BMF: variants seen among roughly 807,000 people sequenced by gnomAD.
BMF encodes Bcl2 modifying factor, also known as bcl-2-modifying factor.
In BMF, 10 loss-of-function variants were observed where a neutral mutation model predicts 22.0. The observed-to-expected ratio is 0.45, with a 90% confidence interval of 0.28 to 0.77. The LOEUF (loss-of-function observed/expected upper bound fraction) is 0.77. Among genes scored for constraint, BMF ranks in the 30% least tolerant of loss-of-function variants. The pLI, the probability that BMF is intolerant of heterozygous loss-of-function variation, is 0.13. For synonymous variants in BMF, 87 were observed against 88.1 expected (o/e 0.99, Z 0.07); for missense variants, 206 against 226.8 (o/e 0.91, Z 0.59).
chr15:40,096,827 A>G (rs575805132), intron 4 of BMF, among the ~76,000 whole-genome samples: 16 of 152,352 alleles, frequency 1.1e-4, no homozygotes, highest in South Asian at 8.3e-4. Flanking sequence ...AGAAAAAAAT[A>G]ACCCTTTCAG....
intron 4 of BMF, among the ~76,000 whole-genome samples, chr15:40,095,597 C>T (rs569245692): frequency 1.3e-5 from 2 of 152,234 alleles, no homozygotes; most frequent in African/African-American, 4.8e-5. Context: ...GCTAGGGAAC[C>T]CCTCACAGAA....
chr15:40,107,734 G>A (rs532506038), intron 2 of BMF, among the ~76,000 whole-genome samples: 53 of 152,284 alleles, frequency 3.5e-4, no homozygotes, highest in African/African-American at 1.3e-3. Flanking sequence ...GACCTAAGAA[G>A]GGGCCCTCAA....
At chr15:40,098,561 T>C (rs1212207405) in intron 4 of BMF, among the ~76,000 whole-genome samples, 2 of 152,162 alleles carry the variant, frequency 1.3e-5, no homozygotes, top group Non-Finnish European at 2.9e-5. Flanking sequence ...TGACTGTTCA[T>C]GTCCTGTCCA....
intron 3 of BMF, 135 bp downstream of exon 3, chr15:40,105,660 G>A (rs1377508262): frequency 1.1e-4 from 125 of 1,105,966 alleles, no homozygotes; most frequent in Non-Finnish European, 5.2e-5. Context: ...AGAGGCAGCA[G>A]GTGGAAGTCA....
At chr15:40,095,943 G>A (rs1249909969) in intron 4 of BMF, among the ~76,000 whole-genome samples, 1 of 152,172 alleles carries the variant, frequency 6.6e-6, no homozygotes. Flanking sequence ...TGAATGCACA[G>A]CTGCTCATCC....
Position 40,091,888 on chromosome 15 carries a change from G to A in BMF, c.454C>T (p.His152Tyr), listed in dbSNP as rs760728364. Residue 152 changes from histidine (H) to tyrosine (Y), a missense_variant and splice_region_variant, in exon 5 of 5, where the codon CAC becomes TAC. His to Tyr is a moderately conservative substitution (Grantham distance 83). Coordinates refer to ENST00000354670, the MANE Select transcript of BMF (RefSeq NM_001003940.2). ...CACACACGATTTTGGTTCTGCTGGTGCTGAAGGGAGAAAAAAAAAAAAGAC... is the reference window on the plus strand; with the variant it reads ...CACACACGATTTTGGTTCTGCTGGTACTGAAGGGAGAAAAAAAAAAAAGAC... ...DQFHRLHVQQ[H>Y]QQNQNRVWWQ... 6.3e-7 allele frequency: 1 copy of A among 1,593,904 alleles called. No homozygotes were observed. The highest frequency in any genetic ancestry group is 2.3e-5 in the East Asian group (1 of 44,106).
At chr15:40,098,632 A>C (rs1247699855) in intron 4 of BMF, among the ~76,000 whole-genome samples, 1 of 152,162 alleles carries the variant, frequency 6.6e-6, no homozygotes, top group African/African-American at 2.4e-5. Flanking sequence ...TCACACACGG[A>C]CTGATTGTGT....
intron 4 of BMF, among the ~76,000 whole-genome samples, chr15:40,095,415 C>G (rs1042850627): frequency 2.0e-5 from 3 of 152,144 alleles, no homozygotes; most frequent in Non-Finnish European, 4.4e-5. Flanking sequence ...TACCAAAACA[C>G]CAGAGAACGT....
At chr15:40,097,416 GA>G (rs1567032886) in intron 4 of BMF, among the ~76,000 whole-genome samples, 1 of 152,244 alleles carries the variant, frequency 6.6e-6, no homozygotes, top group South Asian at 2.1e-4. Flanking sequence ...ATAATGGGGA[GA>G]AGAGCAAGAG....
At chr15:40,100,151 C>A (rs2036446703) in intron 4 of BMF, among the ~76,000 whole-genome samples, 1 of 152,172 alleles carries the variant, frequency 6.6e-6, no homozygotes, top group East Asian at 1.9e-4. Context: ...CCCAGAAATA[C>A]CCCCAAATGT....
At chr15:40,096,432 G>A (rs2036363295) in intron 4 of BMF, among the ~76,000 whole-genome samples, 1 of 152,188 alleles carries the variant, frequency 6.6e-6, no homozygotes, top group African/African-American at 2.4e-5. Context: ...GAAGCCGTGT[G>A]CAGCTCTAAA....
intron 4 of BMF, among the ~76,000 whole-genome samples, chr15:40,093,087 A>T (rs2036278055): frequency 6.6e-6 from 1 of 152,232 alleles, no homozygotes; most frequent in Non-Finnish European, 1.5e-5. Flanking sequence ...CCAGCGGCAC[A>T]GCTGGAAAGG....
At chr15:40,095,473 C>G (rs532178400) in intron 4 of BMF, among the ~76,000 whole-genome samples, 9 of 152,224 alleles carry the variant, frequency 5.9e-5, no homozygotes, top group Admixed American at 4.6e-4. Context: ...GAGAGGGGAA[C>G]CAGGAATGAG....
At chr15:40,093,344 G>A (rs1460149526) in intron 4 of BMF, among the ~76,000 whole-genome samples, 1 of 152,250 alleles carries the variant, frequency 6.6e-6, no homozygotes, top group Non-Finnish European at 1.5e-5. Flanking sequence ...AACCCGGCAA[G>A]CTGGAGGCGC....
Position 40,106,347 on chromosome 15 carries a change from C to T in BMF, c.-5-256G>A, listed in dbSNP as rs1195642480. ...CTGGAACCACCCTTTTTCTTGATCA[C>T]GTTTTCTGACCTAGGCCGGTCACAA... On this transcript the variant is annotated intron_variant, in intron 2 of 4. Coordinates refer to ENST00000354670, the MANE Select transcript of BMF (RefSeq NM_001003940.2). This position sits in a 1 kb window ranked among gnomAD's most constrained non-coding sequence, Gnocchi z 4.1. The T allele has an allele frequency of 2.8e-5, 11 of 386,312 alleles. No individual in the cohort carries two copies. The highest frequency in any genetic ancestry group is 1.3e-4 in the Admixed American group (3 of 22,774). The allele number at this position is 386,312 out of a possible 1,614,324, so 23.9% of individuals were successfully genotyped here. A position where few individuals can be genotyped will look rare whatever the true frequency, so the allele number is the denominator to read the frequency against.
intron 4 of BMF, among the ~76,000 whole-genome samples, chr15:40,093,365 C>T (rs2036286611): frequency 2.0e-5 from 3 of 152,310 alleles, no homozygotes; most frequent in South Asian, 2.1e-4. Flanking sequence ...AGCTCCTGCC[C>T]GGAGGGGAAG....
intron 4 of BMF, among the ~76,000 whole-genome samples, chr15:40,102,784 G>C (rs2036506475): frequency 1.3e-5 from 2 of 152,216 alleles, no homozygotes; most frequent in Non-Finnish European, 2.9e-5. Flanking sequence ...GGGCAGGAAG[G>C]AGGCCAAGAA....
chr15:40,096,177 T>TTC (rs938091578), intron 4 of BMF, among the ~76,000 whole-genome samples: 3 of 147,374 alleles, frequency 2.0e-5, no homozygotes, highest in African/African-American at 7.7e-5. Context: ...TTTTTTTTTT[T>TTC]CTCTAAAGAG....
chr15:40,092,439 GCACACACACAGACTCACACACACACA>G (rs1165216045), intron 4 of BMF, among the ~76,000 whole-genome samples: 2 of 148,094 alleles, frequency 1.4e-5, no homozygotes, highest in Admixed American at 6.8e-5. Flanking sequence ...GTGCAAACAC[GCACACACACAGACTCACACACACACA>G]CACACACACA....
Sources: allele counts gnomAD v4.1 joint callset (sites outside exome capture counted in the v4.1 genomes callset), GRCh38; gene constraint gnomAD v4.1.1; non-coding constraint Gnocchi (gnomAD v3.1); transcripts MANE v1.5; gene names NCBI Gene and HGNC (gene_info 2026-07-23, HGNC 2026-07-21).